Variants in RARB observed in about 807,000 individuals in gnomAD.
The protein encoded by RARB is HBV-activated protein.
In RARB, 17 loss-of-function variants were observed where a neutral mutation model predicts 51.9. The ratio of observed to expected loss-of-function variants is 0.33; its 90% CI spans 0.22 to 0.49. The LOEUF (loss-of-function observed/expected upper bound fraction) is 0.49. Ranked by LOEUF, RARB falls within the 20% of genes least tolerant of loss-of-function variation. RARB has a pLI of 0.99. For synonymous variants in RARB, 215 were observed against 195.4 expected (o/e 1.10, Z -0.84); for missense variants, 369 against 550.8 (o/e 0.67, Z 3.30).
chr3:25,302,593 G>C (rs950174832), intron 5 of RARB, among the ~76,000 whole-genome samples: 2 of 152,216 alleles, frequency 1.3e-5, no homozygotes, highest in Non-Finnish European at 2.9e-5. Flanking sequence ...GCTTCCAGGG[G>C]CTGGGGACAA....
At chr3:25,275,495 C>T (rs1703358808) in intron 5 of RARB, among the ~76,000 whole-genome samples, 1 of 152,164 alleles carries the variant, frequency 6.6e-6, no homozygotes, top group South Asian at 2.1e-4. Flanking sequence ...GTATTTTTAG[C>T]ACCTGGCTTA....
intron 5 of RARB, among the ~76,000 whole-genome samples, chr3:25,337,483 G>T (rs562628222): frequency 2.0e-5 from 3 of 152,224 alleles, no homozygotes; most frequent in Admixed American, 1.3e-4. Flanking sequence ...TTCTACATTT[G>T]CACCCTCATT....
intron 3 of RARB, among the ~76,000 whole-genome samples, chr3:25,063,197 A>G (rs1042448333): frequency 6.6e-6 from 1 of 152,024 alleles, no homozygotes; most frequent in Non-Finnish European, 1.5e-5. Context: ...ATCTATACCA[A>G]TGGTGGTACC....
chr3:25,037,882 G>A (rs535815924), intron 2 of RARB, among the ~76,000 whole-genome samples: 13 of 152,212 alleles, frequency 8.5e-5, no homozygotes, highest in African/African-American at 3.1e-4. Context: ...TGGAAATTTG[G>A]CATAAGATGT....
intron 4 of RARB, among the ~76,000 whole-genome samples, chr3:25,166,472 A>G (rs561935393): frequency 6.6e-6 from 1 of 152,334 alleles, no homozygotes; most frequent in East Asian, 1.9e-4. Context: ...ACATTGGGAA[A>G]AAAATGGCAA....
chr3:25,580,867 T>C, intron 5 of RARB, 145 bp downstream of exon 5: 1 of 829,932 alleles, frequency 1.2e-6, no homozygotes, highest in Non-Finnish European at 1.8e-6. Flanking sequence ...GTAGGTGGAC[T>C]CACCTAGCCT....
chr3:25,562,481 G>C (rs997827191), intron 3 of RARB, among the ~76,000 whole-genome samples: 1 of 152,194 alleles, frequency 6.6e-6, no homozygotes, highest in African/African-American at 2.4e-5. Flanking sequence ...TTTAGGCAAA[G>C]TAATCATTGA....
At chr3:25,322,299 A>C (rs1367699714) in intron 5 of RARB, among the ~76,000 whole-genome samples, 1 of 152,220 alleles carries the variant, frequency 6.6e-6, no homozygotes, top group Non-Finnish European at 1.5e-5. Flanking sequence ...AGTGATTGTG[A>C]TGAAGAAAAA....
At chr3:25,588,820 T>G (rs1229344819) in intron 5 of RARB, among the ~76,000 whole-genome samples, 3 of 152,172 alleles carry the variant, frequency 2.0e-5, no homozygotes, top group Admixed American at 1.3e-4. Context: ...ACTGTCCTCT[T>G]GAAATGTCAG....
chr3:24,874,016 G>A (rs1028299192), intron 2 of RARB, among the ~76,000 whole-genome samples: 1 of 151,940 alleles, frequency 6.6e-6, no homozygotes, highest in South Asian at 2.1e-4. Context: ...TATTTACATA[G>A]CATTTAAATT....
intron 5 of RARB, among the ~76,000 whole-genome samples, chr3:25,217,914 G>A (rs760795201): frequency 6.6e-6 from 1 of 152,154 alleles, no homozygotes; most frequent in Admixed American, 6.5e-5. Flanking sequence ...TTTAAGAATG[G>A]GGTCATCCAT....
At chr3:25,491,334 A>C (rs2125592567) in intron 2 of RARB, among the ~76,000 whole-genome samples, 1 of 151,670 alleles carries the variant, frequency 6.6e-6, no homozygotes, top group African/African-American at 2.4e-5. Flanking sequence ...AAAACATAAA[A>C]CCCCTCCTGT....
At chr3:25,410,380 C>T (rs1297556798) in intron 5 of RARB, among the ~76,000 whole-genome samples, 3 of 152,102 alleles carry the variant, frequency 2.0e-5, no homozygotes, top group Non-Finnish European at 2.9e-5. Context: ...AACATATTGC[C>T]GTGTCCTTTA....
At chr3:25,319,718 C>A (rs1481469009) in intron 5 of RARB, among the ~76,000 whole-genome samples, 8 of 152,104 alleles carry the variant, frequency 5.3e-5, no homozygotes, top group Non-Finnish European at 8.8e-5. Context: ...AGAAAGTGAT[C>A]TGATGATGAA....
At chr3:25,569,286 CACTT>C (rs1290041606) in intron 3 of RARB, among the ~76,000 whole-genome samples, 1 of 152,198 alleles carries the variant, frequency 6.6e-6, no homozygotes, top group Non-Finnish European at 1.5e-5. Context: ...AAGTGCCTGT[CACTT>C]AATTCAGAAA....
At chr3:25,079,219 T>C (rs779735614) in intron 3 of RARB, among the ~76,000 whole-genome samples, 3 of 152,214 alleles carry the variant, frequency 2.0e-5, no homozygotes, top group Non-Finnish European at 4.4e-5. Flanking sequence ...TATTTTTGCA[T>C]ATTAATTGTA....
At chr3:25,089,479 A>G (rs917399863) in intron 3 of RARB, among the ~76,000 whole-genome samples, 9 of 51,926 alleles carry the variant, frequency 1.7e-4, no homozygotes, top group Admixed American at 5.2e-4. Context: ...TCAGGACTCA[A>G]TCATCCCAAA....
intron 5 of RARB, among the ~76,000 whole-genome samples, chr3:25,241,100 C>T (rs1479717970): frequency 6.6e-6 from 1 of 152,088 alleles, no homozygotes; most frequent in Non-Finnish European, 1.5e-5. Flanking sequence ...CCTGGGTTTT[C>T]CAGTTTATTT....
chr3:24,912,832 ATGTTTTTCAAAG>A (rs1394173238), intron 2 of RARB, among the ~76,000 whole-genome samples: 1 of 152,102 alleles, frequency 6.6e-6, no homozygotes, highest in Non-Finnish European at 1.5e-5. Flanking sequence ...TATAAGAGAA[ATGTTTTTCAAAG>A]TGTAACTTAA....
Sources: gnomAD v4.1 joint callset for allele counts (sites outside exome capture counted in the v4.1 genomes callset) on GRCh38, gnomAD v4.1.1 for gene constraint, MANE v1.5 for transcripts, NCBI Gene and HGNC (gene_info 2026-07-23, HGNC 2026-07-21) for gene names.